Variants in CCDC120 observed in about 807,000 individuals in gnomAD.
CCDC120 encodes the protein coiled-coil domain containing 120, also known as coiled-coil domain-containing protein 120.
In CCDC120, 16 loss-of-function variants were observed where a neutral mutation model predicts 37.6. That is an observed-to-expected ratio of 0.43 (90% CI 0.29 to 0.65). The LOEUF is 0.65. Among genes scored for constraint, CCDC120 ranks in the 30% least tolerant of loss-of-function variants. The probability of loss-of-function intolerance (pLI) is 0.18; values close to 1 mark genes in which losing one functional copy is unlikely to be tolerated. For synonymous variants in CCDC120, 309 were observed against 275.4 expected, an observed-to-expected ratio of 1.12 and a Z score of -1.21; for missense variants, 650 against 657.4, an observed-to-expected ratio of 0.99 and a Z score of 0.12.
At chrX:49,057,015 C>T (rs2064835849), upstream of CCDC120, among the ~76,000 whole-genome samples, 1 of 112,220 alleles carries the variant, frequency 8.9e-6, no homozygotes. Flanking sequence ...TAGTAAGTGG[C>T]AGAGCTGGGT....
rs782076075 is a variant in CCDC120 at position 49,067,678 on chromosome X, G to A, written c.1564G>A (p.Gly522Ser). 11 of 1,202,749 alleles carry A rather than the reference G, an allele frequency of 9.1e-6. No homozygotes were observed. Among genetic ancestry groups the A allele is most frequent in the African/African-American group, 1.7e-5 (1 of 57,657 alleles). ...RRDGLLTMLP[G>S]PPPVYAADSN... ...GGATGGGCTCCTCACCATGCTCCCC[G>A]GCCCACCACCTGTGTATGCAGCTGA... is the stretch of plus-strand genomic sequence containing the variant. The change falls in exon 10 of 11, where the codon GGC (glycine) becomes AGC (serine). Residue 522 changes from glycine to serine, a missense_variant. Transcript: ENST00000603986.
chrX:49,064,776 C>T, intron 6 of CCDC120, 112 bp downstream of exon 6: 1 of 910,844 alleles, frequency 1.1e-6, no homozygotes, highest in Non-Finnish European at 1.5e-6. Flanking sequence ...CTCAAGTGGC[C>T]CAACCCGTGA....
chrX:49,067,776 C>T lies in CCDC120; in HGVS notation c.1662C>T (p.Pro554=), dbSNP rs781935910. 6 of 1,197,500 alleles carry T rather than the reference C, an allele frequency of 5.0e-6. No individual in the cohort carries two copies. In the South Asian group the frequency reaches 1.1e-4, roughly 22 times the overall value. Residue 554 remains proline, a synonymous_variant, in exon 10 of 11, where the codon CCC becomes CCT. Transcript: ENST00000603986. ...CCCGCACTAAGCCCTGTGGCCTGCC[C>T]CCAGAGGCTGCCGAAGGCCCTGAGG... ...RATRTKPCGL[P]PEAAEGPEVH... is the part of the protein sequence containing the mutation.
chrX:49,065,463 A>G lies in CCDC120; in HGVS notation c.797A>G (p.His266Arg). ...GCTCTCTTCCACTCAGAGGAGCCCCATGGCTGCTTCTCTCTGGCCGAGCGC... is the reference window on the plus strand; with the variant it reads ...GCTCTCTTCCACTCAGAGGAGCCCCGTGGCTGCTTCTCTCTGGCCGAGCGC... Reference protein sequence around the residue: ...SGASHDNEEPHGCFSLAERPS... With the variant: ...SGASHDNEEPRGCFSLAERPS... Residue 266 changes from histidine (H) to arginine (R), a missense_variant, in exon 8 of 11, where the codon CAT (histidine) becomes CGT (arginine). Physicochemically the swap from His to Arg is conservative, Grantham distance 29 (BLOSUM62 0). This residue lies in a region of CCDC120 where 576 missense variants were observed against 565.3 expected (regional missense o/e 1.02). Coordinates refer to ENST00000603986, the MANE Select transcript of CCDC120 (RefSeq NM_001163321.4). 1 of 1,192,562 alleles carries G rather than the reference A, an allele frequency of 8.4e-7. No individual in the cohort carries two copies. The highest frequency in any genetic ancestry group is 1.1e-6 in the Non-Finnish European group (1 of 888,003).
At chrX:49,060,427 CAAAAAAAAAAAA>C (rs58827125) in intron 1 of CCDC120, among the ~76,000 whole-genome samples, 6 of 42,130 alleles carry the variant, frequency 1.4e-4, no homozygotes, top group East Asian at 3.4e-3. Context: ...GCCCTATCTC[CAAAAAAAAAAAA>C]AAAAAAAAAA....
rs782697271 is a variant in CCDC120 at position 49,064,538 on chromosome X, A to G, written c.598A>G (p.Arg200Gly). 19 of 1,180,405 alleles carry G rather than the reference A, an allele frequency of 1.6e-5. No individual in the cohort carries two copies. The highest frequency in any genetic ancestry group is 2.2e-5 in the Non-Finnish European group (19 of 879,765). ...GCTGCATGAGCTAGAGGAGCAGCTC[A>G]GGGATGTCCGGGCCCGCCTTGGCCT... Reference protein sequence around the residue: ...RRLHELEEQLRDVRARLGLPV... With the variant: ...RRLHELEEQLGDVRARLGLPV... Residue 200 changes from arginine to glycine, a missense_variant, in exon 6 of 11, where the codon AGG (arginine) becomes GGG (glycine). Transcript: ENST00000603986.
At chrX:49,065,364 G>T in intron 7 of CCDC120, 90 bp from the exon 8 acceptor site, 1 of 985,889 alleles carries the variant, frequency 1.0e-6, no homozygotes, top group Middle Eastern at 2.9e-4. Context: ...CCAGCACTTT[G>T]CCCCTCCCCA....
At position 49,067,963 on chromosome X, in the gene CCDC120, G is replaced by C. The variant is rs1177171573; in HGVS notation, c.1849G>C (p.Val617Leu). 1.7e-6 allele frequency: 2 copies of C among 1,148,744 alleles called. No individual in the cohort carries two copies. Among genetic ancestry groups the C allele is most frequent in the Non-Finnish European group, 2.3e-6 (2 of 862,214 alleles). The allele number at this position is 1,148,744 out of a possible 1,213,427, so 94.7% of individuals were successfully genotyped here. ...CCAGCGCCGGCCTGTGCTCCCTTCC[G>C]TGGGCCCGCCACACCCACCCTTCCT... ...GPQRRPVLPS[V>L]GPPHPPFLHA... is the part of the protein sequence containing the mutation. Residue 617 changes from valine to leucine, a missense_variant, in exon 10 of 11, where the codon GTG (valine) becomes CTG (leucine). By Grantham distance (32) the Val-to-Leu change is conservative (BLOSUM62 1). Around this residue, in one of 3 missense-constraint regions of CCDC120, gnomAD observed 576 missense variants for 565.3 expected, o/e 1.02. Coordinates refer to ENST00000603986, the MANE Select transcript of CCDC120 (RefSeq NM_001163321.4).
Position 49,067,869 on chromosome X carries a change from C to T in CCDC120, c.1755C>T (p.Gly585=). 1 of 1,169,516 alleles carries T rather than the reference C, an allele frequency of 8.6e-7. No individual in the cohort carries two copies. Residue 585 remains glycine, a synonymous_variant, in exon 10 of 11, where the codon GGC becomes GGT. Transcript: ENST00000603986. ...TRIPSAGERS[G]HKNLALEGLR... The stretch of plus-strand genomic sequence containing the variant: ...TCCCCTCGGCTGGTGAACGCAGTGG[C>T]CACAAGAACCTGGCTCTGGAGGGGC...
At chrX:49,054,627 G>A (rs1386292094), upstream of CCDC120, among the ~76,000 whole-genome samples, 2 of 110,366 alleles carry the variant, frequency 1.8e-5, no homozygotes, top group African/African-American at 3.3e-5. Flanking sequence ...CACTGGCTTA[G>A]CCTTTCCTAG....
chrX:49,056,625 C>CAAAA (rs56112125), upstream of CCDC120, among the ~76,000 whole-genome samples: 153 of 46,360 alleles, frequency 3.3e-3, 3 homozygotes, highest in South Asian at 0.023. Flanking sequence ...GACTCCGTCT[C>CAAAA]AAAAAAAAAA....
chrX:49,063,055 G>A (rs1015365271), intron 4 of CCDC120, among the ~76,000 whole-genome samples: 2 of 111,155 alleles, frequency 1.8e-5, no homozygotes, highest in Non-Finnish European at 3.8e-5. Context: ...TTAGTCAGGC[G>A]TGGTGGCGGG....
intron 9 of CCDC120, chrX:49,066,879 G>C (rs1424791283): frequency 3.5e-6 from 1 of 288,359 alleles, no homozygotes; most frequent in South Asian, 1.3e-4. Flanking sequence ...CCCCCTGCCC[G>C]GCATCTACTC....
chrX:49,065,590 T>C lies in CCDC120; in HGVS notation c.924T>C (p.Asp308=), dbSNP rs1311934946. The change falls in exon 8 of 11, where the codon GAT becomes GAC. Residue 308 remains aspartate (D), a synonymous_variant. Coordinates refer to ENST00000603986, the MANE Select transcript of CCDC120 (RefSeq NM_001163321.4). ...CACCTCCATCAGATCTTTATGGGGA[T>C]CTGAAGAGCCGGCGGAACTCTGTGG... ...WKPPPSDLYG[D]LKSRRNSVAS... is the part of the protein sequence containing the mutation. 2 of 1,208,608 alleles carry C rather than the reference T, an allele frequency of 1.7e-6. No individual in the cohort carries two copies. Among genetic ancestry groups the C allele is most frequent in the Non-Finnish European group, 2.2e-6 (2 of 894,638 alleles).
chrX:49,068,454 C>T (rs2064986197), intron 10 of CCDC120, 90 bp from the exon 11 acceptor site: 1 of 1,044,819 alleles, frequency 9.6e-7, no homozygotes, highest in South Asian at 3.0e-5. Context: ...TAACGAGCCT[C>T]TTTTCCTTTC....
chrX:49,053,599 G>C (rs1476753530), exon 1 of CCDC120: 1 of 113,289 alleles, frequency 8.8e-6, no homozygotes, highest in East Asian at 2.8e-4. Flanking sequence ...GAGCGGCGGA[G>C]GTGGCCGTGC....
rs782111990 is a variant in CCDC120 at position 49,063,151 on chromosome X, G to A, written c.288+550G>A. 7.5e-4 allele frequency among the ~76,000 whole-genome samples: 77 copies of A among 103,135 alleles called. 1 individual carries two copies. Among genetic ancestry groups the A allele is most frequent in the African/African-American group, 2.4e-3 (66 of 27,909 alleles). The allele number at this position is 103,135 out of a possible 115,157, so 89.6% of individuals were successfully genotyped here. On this transcript the variant is annotated intron_variant, in intron 4 of 10. Coordinates refer to ENST00000603986, the MANE Select transcript of CCDC120 (RefSeq NM_001163321.4). The stretch of plus-strand genomic sequence containing the variant: ...GGAGCTTGCAGTGAGCCCAGATTGC[G>A]CCACTGCACTCCAGCCTGGGCGACA...
At chrX:49,068,117 T>G in intron 10 of CCDC120, 27 bp downstream of exon 10, 1 of 1,154,212 alleles carries the variant, frequency 8.7e-7, no homozygotes, top group Non-Finnish European at 1.2e-6. Flanking sequence ...TACTGATGGG[T>G]AGGGGTCTCG....
Position 49,065,593 on chromosome X carries a change from G to A in CCDC120, c.927G>A (p.Leu309=). ...KPPPSDLYGD[L]KSRRNSVASP... ...CTCCATCAGATCTTTATGGGGATCTGAAGAGCCGGCGGAACTCTGTGGCCA... is the reference window on the plus strand; with the variant it reads ...CTCCATCAGATCTTTATGGGGATCTAAAGAGCCGGCGGAACTCTGTGGCCA... The change falls in exon 8 of 11, where the codon CTG becomes CTA. Residue 309 remains leucine (L), a synonymous_variant. Coordinates refer to ENST00000603986, the MANE Select transcript of CCDC120 (RefSeq NM_001163321.4). 22 of 1,209,794 alleles carry A rather than the reference G, an allele frequency of 1.8e-5. No individual in the cohort carries two copies. The highest frequency in any genetic ancestry group is 2.5e-5 in the Non-Finnish European group (22 of 894,856).
Sources: allele counts gnomAD v4.1 joint callset (sites outside exome capture counted in the v4.1 genomes callset), GRCh38; gene constraint gnomAD v4.1.1; regional missense constraint gnomAD v4.1.1; transcripts MANE v1.5; gene names NCBI Gene and HGNC (gene_info 2026-07-23, HGNC 2026-07-21).